Variants in ZAN observed in about 807,000 individuals in gnomAD.
ZAN encodes zonadhesin (gene/pseudogene).
Under a neutral mutation model 286.2 loss-of-function variants are expected in ZAN, and 260 were observed. That is an observed-to-expected ratio of 0.91 (90% confidence interval 0.82 to 1.01). The LOEUF (loss-of-function observed/expected upper bound fraction) is 1.01, where lower values mean the gene tolerates loss of function less well. ZAN is among the 50% of genes least tolerant of loss of function. The pLI, the probability that ZAN is intolerant of heterozygous loss-of-function variation, is 0.00. For synonymous variants in ZAN, 1,368 were observed against 1,417.5 expected (o/e 0.97, Z 0.79); for missense variants, 3,410 against 3,639.2 (o/e 0.94, Z 1.62).
In ZAN at chr7:100,748,430, C is replaced by T. The variant is rs79163323; in HGVS notation, c.1209C>T (p.Pro403=). 64,697 of 1,613,664 alleles carry T rather than the reference C, an allele frequency of 0.04. 1,681 individuals are homozygous for T. The highest frequency in any genetic ancestry group is 0.12 in the Middle Eastern group (738 of 6,032). The change falls in exon 11 of 48, where the codon CCC becomes CCT. Residue 403 remains proline, a synonymous_variant. Coordinates refer to ENST00000613979, the MANE Select transcript of ZAN (RefSeq NM_003386.3). ...GHWALGHKNG[P]VHGMGPAGGF... is the part of the protein sequence containing the mutation. ...GGGCCCTCGGACATAAAAATGGACC[C>T]GTCCATGGCATGGGCCCTGCGGGAG...
At chr7:100,768,468 T>A (rs1218657016) in intron 26 of ZAN, 142 bp from the exon 27 acceptor site, 2 of 723,674 alleles carry the variant, frequency 2.8e-6, no homozygotes, top group African/African-American at 3.6e-5. Context: ...CAAGACTCCA[T>A]CTCAAAAAAG....
intron 35 of ZAN, among the ~76,000 whole-genome samples, chr7:100,780,686 A>C (rs1361912339): frequency 6.6e-6 from 1 of 152,040 alleles, no homozygotes; most frequent in Non-Finnish European, 1.5e-5. Flanking sequence ...CCAAAAAACA[A>C]AAAAAGATAC....
chr7:100,746,317 G>A (rs973743568), intron 7 of ZAN, among the ~76,000 whole-genome samples: 2 of 152,152 alleles, frequency 1.3e-5, no homozygotes, highest in Admixed American at 1.3e-4. Flanking sequence ...GAAGGTGTCC[G>A]CCGCTTCCCA....
chr7:100,784,161 A>C (rs1584623853), intron 35 of ZAN, among the ~76,000 whole-genome samples: 5 of 123,534 alleles, frequency 4.0e-5, no homozygotes, highest in Admixed American at 9.8e-5. Context: ...AGACAGTCTC[A>C]CTCTGTTGCC....
intron 26 of ZAN, among the ~76,000 whole-genome samples, chr7:100,768,269 C>T (rs572774155): frequency 1.3e-5 from 2 of 152,220 alleles, no homozygotes; most frequent in East Asian, 1.9e-4. Context: ...GTCAAGGGTT[C>T]GAGACCAGCC....
In ZAN at chr7:100,775,603, G is replaced by T. The variant is rs776254205; in HGVS notation, c.6027+28G>T. ...GAGCTGGGTGTGGTGACCGGGGCTG[G>T]GAGGGAGTGCTGGGGAGGGGACTCT... On this transcript the variant is annotated intron_variant, in intron 32 of 47. Transcript: ENST00000613979. 5.9e-5 allele frequency: 95 copies of T among 1,611,540 alleles called. No individual in the cohort carries two copies. The Admixed American group carries it at 6.2e-4, about 10-fold the overall frequency.
At chr7:100,775,908 A>ACCATC (rs1810750571) in intron 33 of ZAN, 75 bp downstream of exon 33, 2 of 1,566,188 alleles carry the variant, frequency 1.3e-6, no homozygotes, top group African/African-American at 2.7e-5. Context: ...GATGGGGGGC[A>ACCATC]GTGTTCGCAT....
chr7:100,755,466 G>C, intron 15 of ZAN, 56 bp downstream of exon 15: 1 of 1,579,580 alleles, frequency 6.3e-7, no homozygotes, highest in Non-Finnish European at 8.6e-7. Context: ...AGAACACCTG[G>C]GTTCCAGCTC....
intron 35 of ZAN, among the ~76,000 whole-genome samples, chr7:100,782,578 G>C (rs1038769483): frequency 6.6e-6 from 1 of 152,058 alleles, no homozygotes; most frequent in Non-Finnish European, 1.5e-5. Flanking sequence ...TGATCTGCCC[G>C]CCTCGTCCTC....
chr7:100,762,382 G>A, intron 20 of ZAN, 24 bp downstream of exon 20: 2 of 1,591,076 alleles, frequency 1.3e-6, no homozygotes, highest in Non-Finnish European at 1.7e-6. Flanking sequence ...CCTCCCACCG[G>A]GGCCCTGGGA....
intron 26 of ZAN, 118 bp downstream of exon 26, chr7:100,768,129 T>C: frequency 7.8e-7 from 1 of 1,280,746 alleles, no homozygotes; most frequent in East Asian, 2.5e-5. Context: ...GACTAATTCG[T>C]TGAGGACATT....
chr7:100,762,095 TCTTCATC>T, intron 19 of ZAN, 113 bp from the exon 20 acceptor site: 1 of 1,299,122 alleles, frequency 7.7e-7, no homozygotes, highest in South Asian at 1.3e-5. Flanking sequence ...AGTCCGCACC[TCTTCATC>T]CTCCTCACGC....
chr7:100,783,088 CA>C, intron 35 of ZAN, among the ~76,000 whole-genome samples: 1 of 148,548 alleles, frequency 6.7e-6, no homozygotes. Context: ...GCCAACATGG[CA>C]AAACCCCATC....
At chr7:100,787,830 G>A in intron 37 of ZAN, 59 bp from the exon 38 acceptor site, 2 of 1,403,726 alleles carry the variant, frequency 1.4e-6, no homozygotes, top group Non-Finnish European at 9.4e-7. Context: ...CCAAAGTCCT[G>A]GGATTACAGG....
chr7:100,751,825 A>G lies in ZAN; in HGVS notation c.1720A>G (p.Ile574Val). The change falls in exon 14 of 48, where the codon ATA becomes GTA. Residue 574 changes from isoleucine to valine, a missense_variant. Physicochemically the swap from Ile to Val is conservative, Grantham distance 29. Transcript: ENST00000613979. ...TISTKKPTVS[I>V]EKPSVTTEKP... Reference sequence around the variant, plus strand: ...CTCCACCAAGAAACCTACAGTTTCCATAGAAAAACCCAGTGTCACCACAGA... The same window carrying G: ...CTCCACCAAGAAACCTACAGTTTCCGTAGAAAAACCCAGTGTCACCACAGA... 1 of 1,613,738 alleles carries G rather than the reference A, an allele frequency of 6.2e-7. No homozygotes were observed. Among genetic ancestry groups the G allele is most frequent in the Non-Finnish European group, 8.5e-7 (1 of 1,179,790 alleles).
Position 100,763,670 on chromosome 7 carries a change from A to G in ZAN, c.3987-136A>G. 2.4e-6 allele frequency: 2 copies of G among 845,906 alleles called. No individual in the cohort carries two copies. Among genetic ancestry groups the G allele is most frequent in the Non-Finnish European group, 3.9e-6 (2 of 516,046 alleles). 52.4% of individuals were successfully genotyped at this position (845,906 alleles called of 1,614,324 possible). On this transcript the variant is annotated intron_variant, in intron 20 of 47. Coordinates refer to ENST00000613979, the MANE Select transcript of ZAN (RefSeq NM_003386.3). The surrounding 1 kb of genome is among the most constrained non-coding windows in gnomAD (Gnocchi z 4.6). ...GTGCCTGGCCAGGGCTCAGTGGTCAAACATCCTCTGGGAGGGGTTTCCCAG... is the reference window on the plus strand; with the variant it reads ...GTGCCTGGCCAGGGCTCAGTGGTCAGACATCCTCTGGGAGGGGTTTCCCAG...
chr7:100,736,444 T>G, intron 3 of ZAN, 39 bp from the exon 4 acceptor site: 1 of 1,518,364 alleles, frequency 6.6e-7, no homozygotes, highest in South Asian at 1.1e-5. Context: ...GCCCTGCCCC[T>G]GCCCTCTCTG....
intron 34 of ZAN, among the ~76,000 whole-genome samples, chr7:100,777,871 C>T (rs571727164): frequency 2.6e-4 from 39 of 151,946 alleles, no homozygotes; most frequent in Non-Finnish European, 4.7e-4. Context: ...GGATTACAGG[C>T]CAGAATGTTG....
At chr7:100,771,582 C>T (rs1012728401) in intron 28 of ZAN, among the ~76,000 whole-genome samples, 1 of 152,128 alleles carries the variant, frequency 6.6e-6, no homozygotes, top group African/African-American at 2.4e-5. Context: ...CAGGTGCCCT[C>T]TACTATGCCC....
Sources: allele counts gnomAD v4.1 joint callset (sites outside exome capture counted in the v4.1 genomes callset), GRCh38; gene constraint gnomAD v4.1.1; non-coding constraint Gnocchi (gnomAD v3.1); transcripts MANE v1.5; gene names NCBI Gene and HGNC (gene_info 2026-07-23, HGNC 2026-07-21).